The following SLX4IP variants were observed in gnomAD, a reference collection of about 807,000 sequenced individuals.
The protein encoded by SLX4IP is SLX4 interacting protein.
A neutral mutation model predicts 32.9 loss-of-function variants in SLX4IP; 34 were observed. The ratio of observed to expected loss-of-function variants is 1.03; its 90% confidence interval spans 0.79 to 1.38. The LOEUF is 1.38. Among genes scored for constraint, SLX4IP ranks in the 40% most tolerant of loss-of-function variants. The pLI, the probability that SLX4IP is intolerant of heterozygous loss-of-function variation, is 0.00. For synonymous variants in SLX4IP, 172 were observed against 171.7 expected, an observed-to-expected ratio of 1.00 and a Z score of -0.01; for missense variants, 444 against 479.0, an observed-to-expected ratio of 0.93 and a Z score of 0.68.
chr20:10,610,892 GGAAA>G (rs1333816134), intron 6 of SLX4IP, among the ~76,000 whole-genome samples: 1 of 129,388 alleles, frequency 7.7e-6, no homozygotes, highest in Admixed American at 8.5e-5. Context: ...GTGAAATTTA[GGAAA>G]GAGAGACTTC....
chr20:10,549,136 T>C (rs1407076065), intron 2 of SLX4IP, among the ~76,000 whole-genome samples: 1 of 151,808 alleles, frequency 6.6e-6, no homozygotes, highest in Non-Finnish European at 1.5e-5. Flanking sequence ...GGATTCTTAA[T>C]GTTAGGAGAC....
rs7265483 is a variant in SLX4IP, at chr20:10,484,078, A to G, written c.27+25847A>G. ...CATAAAAATATACACATTTACTCCT[A>G]TATTCAGATCTTCATTTCCTTAGGA... is the stretch of plus-strand genomic sequence containing the variant. On this transcript the variant is annotated intron_variant, in intron 2 of 7. Coordinates refer to ENST00000334534, the MANE Select transcript of SLX4IP (RefSeq NM_001009608.3). 5.9e-5 allele frequency among the ~76,000 whole-genome samples: 9 copies of G among 152,006 alleles called. No homozygotes were observed. The East Asian group carries it at 1.6e-3, about 26-fold the overall frequency.
At chr20:10,576,923 G>A (rs1191983742) in intron 4 of SLX4IP, among the ~76,000 whole-genome samples, 1 of 152,002 alleles carries the variant, frequency 6.6e-6, no homozygotes, top group African/African-American at 2.4e-5. Flanking sequence ...CTAGCTGTCT[G>A]GTTTCCTATT....
At chr20:10,457,497 G>C (rs2065295142) in intron 1 of SLX4IP, among the ~76,000 whole-genome samples, 1 of 149,246 alleles carries the variant, frequency 6.7e-6, no homozygotes, top group African/African-American at 2.5e-5. Flanking sequence ...TCTATTAATA[G>C]AGTGTATTAT....
At chr20:10,463,834 T>A (rs1031311505) in intron 2 of SLX4IP, among the ~76,000 whole-genome samples, 3 of 152,182 alleles carry the variant, frequency 2.0e-5, no homozygotes, top group Non-Finnish European at 4.4e-5. Context: ...CAGGCTGGAA[T>A]GCAGTGGCAC....
intron 2 of SLX4IP, among the ~76,000 whole-genome samples, chr20:10,534,057 A>G (rs1192420318): frequency 1.3e-5 from 2 of 152,108 alleles, no homozygotes; most frequent in Non-Finnish European, 2.9e-5. Context: ...CATGTGGAGC[A>G]CAGAGTTTTG....
chr20:10,586,255 A>T (rs1205113548), intron 4 of SLX4IP, among the ~76,000 whole-genome samples: 1 of 152,222 alleles, frequency 6.6e-6, no homozygotes, highest in Non-Finnish European at 1.5e-5. Context: ...ACAATTCATG[A>T]ATCAGGCAAC....
At chr20:10,592,348 C>A (rs6133973) in intron 4 of SLX4IP, among the ~76,000 whole-genome samples, 10 of 56,144 alleles carry the variant, frequency 1.8e-4, no homozygotes, top group East Asian at 5.4e-4. Flanking sequence ...TTTCTCCAAC[C>A]CCCCCCCATC....
intron 2 of SLX4IP, among the ~76,000 whole-genome samples, chr20:10,547,935 G>C (rs2066179300): frequency 6.6e-6 from 1 of 152,222 alleles, no homozygotes; most frequent in Non-Finnish European, 1.5e-5. Flanking sequence ...ACAGAGGACA[G>C]TATGAGGTGC....
chr20:10,564,725 G>A (rs1318504549), intron 4 of SLX4IP, among the ~76,000 whole-genome samples: 2 of 152,164 alleles, frequency 1.3e-5, no homozygotes, highest in Non-Finnish European at 2.9e-5. Context: ...GCATAGTACA[G>A]ACATTGCCAA....
chr20:10,586,429 C>T (rs529380964), intron 4 of SLX4IP, among the ~76,000 whole-genome samples: 4 of 152,188 alleles, frequency 2.6e-5, no homozygotes, highest in East Asian at 1.9e-4. Flanking sequence ...GTTAATATAA[C>T]GAATTTGCTA....
At chr20:10,455,844 CAA>C (rs1450291746) in intron 1 of SLX4IP, among the ~76,000 whole-genome samples, 1 of 152,106 alleles carries the variant, frequency 6.6e-6, no homozygotes, top group Non-Finnish European at 1.5e-5. Flanking sequence ...CTCCTGGCCT[CAA>C]GTGATTTGCT....
intron 4 of SLX4IP, among the ~76,000 whole-genome samples, chr20:10,580,923 T>A (rs1274173761): frequency 6.6e-6 from 1 of 152,116 alleles, no homozygotes; most frequent in Admixed American, 6.5e-5. Context: ...TAGCTCACCA[T>A]GAATGTGATA....
At chr20:10,569,949 A>T (rs1383475752) in intron 4 of SLX4IP, among the ~76,000 whole-genome samples, 1 of 152,200 alleles carries the variant, frequency 6.6e-6, no homozygotes, top group East Asian at 1.9e-4. Flanking sequence ...GGGAGTTAGG[A>T]CTTCAACATA....
At chr20:10,574,195 A>G (rs533747855) in intron 4 of SLX4IP, among the ~76,000 whole-genome samples, 2 of 152,346 alleles carry the variant, frequency 1.3e-5, no homozygotes, top group East Asian at 3.9e-4. Flanking sequence ...AGTGACTGAT[A>G]CTTTTGTCTA....
At chr20:10,593,091 T>C (rs2066731520) in intron 4 of SLX4IP, among the ~76,000 whole-genome samples, 1 of 152,194 alleles carries the variant, frequency 6.6e-6, no homozygotes, top group Non-Finnish European at 1.5e-5. Flanking sequence ...CAGTCACATG[T>C]CTGAACTGGC....
intron 2 of SLX4IP, among the ~76,000 whole-genome samples, chr20:10,468,922 C>G (rs546033263): frequency 2.0e-5 from 3 of 152,186 alleles, no homozygotes; most frequent in Admixed American, 6.5e-5. Context: ...CTGCACAGAC[C>G]TTGAATAATC....
chr20:10,564,388 G>A (rs1290220856), intron 4 of SLX4IP, among the ~76,000 whole-genome samples: 1 of 152,120 alleles, frequency 6.6e-6, no homozygotes, highest in Non-Finnish European at 1.5e-5. Flanking sequence ...TTGTTTCTGT[G>A]TAGGTAGTTT....
At chr20:10,505,915 A>G (rs1055561293) in intron 2 of SLX4IP, among the ~76,000 whole-genome samples, 13 of 152,144 alleles carry the variant, frequency 8.5e-5, no homozygotes, top group African/African-American at 2.4e-4. Context: ...GAGAAACTAC[A>G]TAAACTAGTT....
Sources: gnomAD v4.1 joint callset for allele counts (sites outside exome capture counted in the v4.1 genomes callset) on GRCh38, gnomAD v4.1.1 for gene constraint, MANE v1.5 for transcripts, NCBI Gene and HGNC (gene_info 2026-07-23, HGNC 2026-07-21) for gene names.